The following ARL8B variants were observed in gnomAD, a reference collection of about 807,000 sequenced individuals.
The protein encoded by ARL8B is ARF like GTPase 8B.
A neutral mutation model predicts 30.6 loss-of-function variants in ARL8B; 9 were observed. The observed-to-expected ratio is 0.29, with a 90% confidence interval of 0.18 to 0.51. The LOEUF is 0.51. ARL8B is among the 20% of genes least tolerant of loss of function. The probability of loss-of-function intolerance (pLI) is 0.97; values close to 1 mark genes in which losing one functional copy is unlikely to be tolerated. For missense variants in ARL8B, 130 were observed against 227.2 expected (o/e 0.57, Z 2.75); for synonymous variants, 74 against 76.0 (o/e 0.97, Z 0.14).
At chr3:5,147,022 CTT>C (rs58037248) in intron 1 of ARL8B, among the ~76,000 whole-genome samples, 3 of 147,624 alleles carry the variant, frequency 2.0e-5, no homozygotes, top group Non-Finnish European at 4.5e-5. Flanking sequence ...TTTTCTTCCT[CTT>C]TTTTTTTTTG....
chr3:5,125,042 G>A (rs1228627572), intron 1 of ARL8B, among the ~76,000 whole-genome samples: 1 of 152,216 alleles, frequency 6.6e-6, no homozygotes. Context: ...TCAGTAGACA[G>A]TGTAGCTTAA....
Position 5,172,691 on chromosome 3 carries a change from G to A in ARL8B, c.323G>A (p.Arg108Gln), listed in dbSNP as rs766948599. The A allele has an allele frequency of 5.0e-6, 8 of 1,612,270 alleles. No homozygotes were observed. Among genetic ancestry groups the A allele is most frequent in the African/African-American group, 1.3e-5 (1 of 74,874 alleles). Reference protein sequence around the residue: ...AADREKIEASRNELHNLLDKP... With the variant: ...AADREKIEASQNELHNLLDKP... ...GATCGTGAAAAGATAGAAGCTTCCCGAAATGAGCTACATAATCTTCTAGAT... is the reference window on the plus strand; with the variant it reads ...GATCGTGAAAAGATAGAAGCTTCCCAAAATGAGCTACATAATCTTCTAGAT... The change falls in exon 4 of 7, where the codon CGA (arginine) becomes CAA (glutamine). Residue 108 changes from arginine (R) to glutamine (Q), a missense_variant. By Grantham distance (43) the Arg-to-Gln change is conservative. Coordinates refer to ENST00000256496, the MANE Select transcript of ARL8B (RefSeq NM_018184.3).
intron 6 of ARL8B, 21 bp from the exon 7 acceptor site, chr3:5,178,643 A>G: frequency 6.3e-7 from 1 of 1,590,114 alleles, no homozygotes; most frequent in Non-Finnish European, 8.5e-7. Flanking sequence ...TAATGTCTTC[A>G]CTTTTCCCCT....
chr3:5,161,058 C>T (rs1047166548), intron 1 of ARL8B, among the ~76,000 whole-genome samples: 3 of 152,128 alleles, frequency 2.0e-5, no homozygotes, highest in Non-Finnish European at 1.5e-5. Context: ...AGCTTGGGAC[C>T]GCAGGCATGC....
chr3:5,128,846 C>T (rs905070906), intron 1 of ARL8B, among the ~76,000 whole-genome samples: 5 of 152,158 alleles, frequency 3.3e-5, no homozygotes, highest in African/African-American at 1.2e-4. Context: ...TTAAAAAGTT[C>T]TGAGATAATA....
At chr3:5,130,609 C>A (rs971000156) in intron 1 of ARL8B, among the ~76,000 whole-genome samples, 2 of 151,876 alleles carry the variant, frequency 1.3e-5, no homozygotes, top group African/African-American at 4.8e-5. Context: ...TCTCGGTTGA[C>A]TGTAACCTCT....
chr3:5,177,102 C>A (rs1559287888), intron 6 of ARL8B, among the ~76,000 whole-genome samples: 1 of 152,028 alleles, frequency 6.6e-6, no homozygotes, highest in Non-Finnish European at 1.5e-5. Context: ...TCCATTGTTA[C>A]AAACTAGTTG....
At position 5,180,073 on chromosome 3, in the gene ARL8B, C is replaced by A. The variant is rs948954138; in HGVS notation, c.*1360C>A. 6.5e-6 allele frequency: 1 copy of A among 152,676 alleles called. No homozygotes were observed. The highest frequency in any genetic ancestry group is 1.9e-4 in the East Asian group (1 of 5,202). The allele number at this position is 152,676 out of a possible 1,614,324, so 9.5% of individuals were successfully genotyped here. ...ACACCTGCTTATGTGTTGCCTCACA[C>A]TGTGTGTGATTTTGTTTCTTTTGTT... On this transcript the variant is annotated 3_prime_UTR_variant, in exon 7 of 7. Transcript: ENST00000256496.
intron 6 of ARL8B, among the ~76,000 whole-genome samples, chr3:5,175,088 C>T (rs1200676476): frequency 2.0e-5 from 3 of 151,806 alleles, no homozygotes; most frequent in East Asian, 3.9e-4. Flanking sequence ...GGTGTGAGCC[C>T]GGCCTATATG....
At chr3:5,136,102 T>C (rs1018333011) in intron 1 of ARL8B, among the ~76,000 whole-genome samples, 23 of 150,116 alleles carry the variant, frequency 1.5e-4, no homozygotes, top group African/African-American at 5.2e-4. Flanking sequence ...ATTATTATTA[T>C]TTTTATTATT....
chr3:5,139,176 G>C (rs1176703380), intron 1 of ARL8B, among the ~76,000 whole-genome samples: 1 of 152,192 alleles, frequency 6.6e-6, no homozygotes, highest in Non-Finnish European at 1.5e-5. Flanking sequence ...TTGCAAAATT[G>C]TGAGGCAGAA....
intron 2 of ARL8B, 52 bp downstream of exon 2, chr3:5,170,635 A>C (rs752455820): frequency 1.5e-6 from 2 of 1,369,492 alleles, no homozygotes; most frequent in Admixed American, 4.1e-5. Context: ...AGACCCCTAG[A>C]AATTTTTCTG....
intron 1 of ARL8B, among the ~76,000 whole-genome samples, chr3:5,163,615 C>T (rs1205747710): frequency 6.6e-6 from 1 of 152,132 alleles, no homozygotes; most frequent in Non-Finnish European, 1.5e-5. Context: ...ATGCCTGTAA[C>T]CCCAGCACTT....
intron 1 of ARL8B, among the ~76,000 whole-genome samples, chr3:5,134,201 AC>A (rs1285841663): frequency 6.6e-6 from 1 of 152,180 alleles, no homozygotes; most frequent in Non-Finnish European, 1.5e-5. Flanking sequence ...GCTGTCACTT[AC>A]CGTACCCTGC....
intron 1 of ARL8B, among the ~76,000 whole-genome samples, chr3:5,123,951 G>A (rs1435999529): frequency 1.3e-5 from 2 of 152,104 alleles, no homozygotes; most frequent in Non-Finnish European, 2.9e-5. Flanking sequence ...TCAGCTCACT[G>A]CAACCTCCAC....
chr3:5,145,098 A>G (rs563987378), intron 1 of ARL8B, among the ~76,000 whole-genome samples: 70 of 152,110 alleles, frequency 4.6e-4, no homozygotes, highest in African/African-American at 1.7e-3. Flanking sequence ...TTTGCCATCT[A>G]TCCACTTGGG....
chr3:5,122,873 C>T (rs1327566529), intron 1 of ARL8B, among the ~76,000 whole-genome samples: 1 of 152,130 alleles, frequency 6.6e-6, no homozygotes, highest in Non-Finnish European at 1.5e-5. Flanking sequence ...TTAAATTGAA[C>T]TCGTCACATT....
At chr3:5,137,935 C>T (rs2054342111) in intron 1 of ARL8B, among the ~76,000 whole-genome samples, 2 of 151,526 alleles carry the variant, frequency 1.3e-5, no homozygotes, top group Non-Finnish European at 2.9e-5. Flanking sequence ...TCTTTGCTCA[C>T]TATTATTATA....
At chr3:5,122,756 G>T (rs6442935) in intron 1 of ARL8B, among the ~76,000 whole-genome samples, 168 bp downstream of exon 1, 2,008 of 152,352 alleles carry the variant, frequency 0.013, 53 homozygotes, top group African/African-American at 0.046. Context: ...AATTTCCCGC[G>T]TGTTGGCGGC....
Sources: allele counts gnomAD v4.1 joint callset (sites outside exome capture counted in the v4.1 genomes callset), GRCh38; gene constraint gnomAD v4.1.1; transcripts MANE v1.5; gene names NCBI Gene and HGNC (gene_info 2026-07-23, HGNC 2026-07-21).